Variants in SDK1 observed in about 807,000 individuals in gnomAD.
SDK1 encodes the protein protein sidekick-1.
In SDK1, 157 loss-of-function variants were observed where a neutral mutation model predicts 245.5. The observed-to-expected ratio is 0.64, with a 90% confidence interval of 0.56 to 0.73. The LOEUF (loss-of-function observed/expected upper bound fraction) is 0.73, where lower values mean the gene tolerates loss of function less well. Ranked by LOEUF, SDK1 falls within the 30% of genes least tolerant of loss-of-function variation. The pLI is 0.00. For synonymous variants in SDK1, 1,647 were observed against 1,278.5 expected (o/e 1.29, Z -6.15); for missense variants, 3,583 against 3,002.3 (o/e 1.19, Z -4.52).
At chr7:3,569,019 T>TC (rs1389515327) in intron 1 of SDK1, among the ~76,000 whole-genome samples, 3 of 151,794 alleles carry the variant, frequency 2.0e-5, no homozygotes, top group Non-Finnish European at 4.4e-5. Context: ...TTTTTTTTTT[T>TC]TCTAGTAACT....
chr7:3,835,104 T>TA (rs1270207772), intron 5 of SDK1, among the ~76,000 whole-genome samples: 1 of 152,178 alleles, frequency 6.6e-6, no homozygotes, highest in Non-Finnish European at 1.5e-5. Context: ...GATCAAATGT[T>TA]ATCTCTAGGC....
chr7:3,718,542 A>C (rs1305200410), intron 4 of SDK1, among the ~76,000 whole-genome samples: 1 of 32,408 alleles, frequency 3.1e-5, no homozygotes, highest in Non-Finnish European at 6.5e-5. Context: ...TAAATAAATA[A>C]ATAAATAAAT....
At chr7:3,651,641 C>T (rs1783017458) in intron 4 of SDK1, among the ~76,000 whole-genome samples, 1 of 152,092 alleles carries the variant, frequency 6.6e-6, no homozygotes, top group Non-Finnish European at 1.5e-5. Flanking sequence ...TATGACGTTT[C>T]CTAAGATGAT....
chr7:4,112,744 C>T (rs1170132451), intron 23 of SDK1, among the ~76,000 whole-genome samples: 1 of 149,460 alleles, frequency 6.7e-6, no homozygotes, highest in Non-Finnish European at 1.5e-5. Flanking sequence ...AAAAAGGGCA[C>T]ATATGCAATT....
chr7:4,130,296 C>A, intron 27 of SDK1, 199 bp downstream of exon 27: 1 of 612,260 alleles, frequency 1.6e-6, no homozygotes, highest in Non-Finnish European at 2.8e-6. Flanking sequence ...ATTTTTACAG[C>A]CTAATTATGA....
intron 5 of SDK1, among the ~76,000 whole-genome samples, chr7:3,828,075 T>G (rs1779821523): frequency 6.6e-6 from 1 of 152,122 alleles, no homozygotes; most frequent in South Asian, 2.1e-4. Flanking sequence ...GTCAGGAGTT[T>G]GAGACCAGCC....
chr7:4,201,724 G>C (rs1783893049), intron 35 of SDK1, among the ~76,000 whole-genome samples: 1 of 149,918 alleles, frequency 6.7e-6, no homozygotes, highest in Admixed American at 6.8e-5. Context: ...CATGGCACAG[G>C]GTGGCTTTGG....
chr7:3,670,672 C>T (rs1353331722), intron 4 of SDK1, among the ~76,000 whole-genome samples: 3 of 152,186 alleles, frequency 2.0e-5, no homozygotes, highest in African/African-American at 7.2e-5. Context: ...TCTGGGAATT[C>T]TCGTTGCTCT....
chr7:3,787,180 ACACACACT>A (rs1174717395), intron 4 of SDK1, among the ~76,000 whole-genome samples: 1 of 151,518 alleles, frequency 6.6e-6, no homozygotes, highest in African/African-American at 2.4e-5. Flanking sequence ...ACACACACAC[ACACACACT>A]CCCATACAGA....
intron 4 of SDK1, among the ~76,000 whole-genome samples, chr7:3,670,731 G>C (rs951835665): frequency 2.0e-5 from 3 of 152,140 alleles, no homozygotes; most frequent in African/African-American, 7.2e-5. Flanking sequence ...GCTTAGTACT[G>C]ACTTATCCTT....
chr7:3,663,915 T>C (rs929510042), intron 4 of SDK1, among the ~76,000 whole-genome samples: 4 of 152,224 alleles, frequency 2.6e-5, no homozygotes, highest in African/African-American at 7.2e-5. Flanking sequence ...GAATGTATCA[T>C]TGTCACTGTA....
intron 4 of SDK1, chr7:3,643,855 AAATAAT>A (rs1284642328): frequency 6.7e-6 from 1 of 149,582 alleles, no homozygotes; most frequent in Non-Finnish European, 1.5e-5. Context: ...GCTGGAACCT[AAATAAT>A]AATAATTATT....
chr7:3,558,569 A>G (rs2128625367), intron 1 of SDK1, among the ~76,000 whole-genome samples: 1 of 152,212 alleles, frequency 6.6e-6, no homozygotes. Context: ...GTGGACAGGG[A>G]GGGAGAGGTT....
intron 1 of SDK1, among the ~76,000 whole-genome samples, chr7:3,565,554 C>T (rs1157683501): frequency 2.6e-5 from 4 of 152,272 alleles, no homozygotes; most frequent in Non-Finnish European, 4.4e-5. Flanking sequence ...AAACTGATTA[C>T]TAGAACTAAA....
chr7:4,167,848 A>C (rs1341160920), intron 32 of SDK1, among the ~76,000 whole-genome samples: 1 of 152,220 alleles, frequency 6.6e-6, no homozygotes, highest in African/African-American at 2.4e-5. Flanking sequence ...TCTTGGGCAC[A>C]GGGTTGAGCC....
At chr7:4,169,409 C>T (rs1257904998) in intron 32 of SDK1, among the ~76,000 whole-genome samples, 1 of 152,222 alleles carries the variant, frequency 6.6e-6, no homozygotes, top group Non-Finnish European at 1.5e-5. Context: ...TCGCTCCCGT[C>T]TAGTGGGGCT....
chr7:4,245,676 G>A lies in SDK1; in HGVS notation c.6252G>A (p.Arg2084=). ...ATTGCAGCATGGGTCCTCATCCTAG[G>A]TCCCCACCCCGGCCTAGCCCCGGCG... ...KSTFSKKNGT[R]SPPRPSPGGL... is the part of the protein sequence containing the mutation. Residue 2084 remains arginine (R), a splice_region_variant and synonymous_variant, in exon 44 of 45, where the codon AGG becomes AGA. Coordinates refer to ENST00000404826, the MANE Select transcript of SDK1 (RefSeq NM_152744.4). The A allele has an allele frequency of 6.2e-7, 1 of 1,613,824 alleles. No homozygotes were observed. Among genetic ancestry groups the A allele is most frequent in the Non-Finnish European group, 8.5e-7 (1 of 1,179,892 alleles).
At chr7:3,332,876 G>A (rs1244709423) in intron 1 of SDK1, among the ~76,000 whole-genome samples, 2 of 152,096 alleles carry the variant, frequency 1.3e-5, no homozygotes, top group African/African-American at 4.8e-5. Flanking sequence ...CCTAAATAAT[G>A]CTAACATTTT....
At chr7:3,532,248 AG>A (rs1783372824) in intron 1 of SDK1, among the ~76,000 whole-genome samples, 1 of 152,158 alleles carries the variant, frequency 6.6e-6, no homozygotes, top group Non-Finnish European at 1.5e-5. Flanking sequence ...GTGAACCCAA[AG>A]TTGTTAGGAA....
Sources: gnomAD v4.1 joint callset for allele counts (sites outside exome capture counted in the v4.1 genomes callset) on GRCh38, gnomAD v4.1.1 for gene constraint, MANE v1.5 for transcripts, NCBI Gene and HGNC (gene_info 2026-07-23, HGNC 2026-07-21) for gene names.